Variants in USP24 observed in about 807,000 individuals in gnomAD.
USP24 encodes the protein ubiquitin specific peptidase 24.
A neutral mutation model predicts 361.6 loss-of-function variants in USP24; 97 were observed. The ratio of observed to expected loss-of-function variants is 0.27; its 90% CI spans 0.23 to 0.32. The LOEUF is 0.32. Among genes scored for constraint, USP24 ranks in the 10% least tolerant of loss-of-function variants. The pLI is 1.00. For missense variants in USP24, 2,353 were observed against 3,165.6 expected, an observed-to-expected ratio of 0.74 and a Z score of 6.16; for synonymous variants, 1,098 against 1,124.6, an observed-to-expected ratio of 0.98 and a Z score of 0.47.
At chr1:55,127,478 T>G (rs1646466663) in intron 32 of USP24, among the ~76,000 whole-genome samples, 1 of 152,242 alleles carries the variant, frequency 6.6e-6, no homozygotes, top group Admixed American at 6.5e-5. Flanking sequence ...TGTTGGACAT[T>G]TGGATTGGTT....
At chr1:55,200,530 AC>A (rs1472702755) in intron 1 of USP24, among the ~76,000 whole-genome samples, 2 of 151,946 alleles carry the variant, frequency 1.3e-5, no homozygotes, top group Admixed American at 6.6e-5. Context: ...CACTCCACAT[AC>A]TTTTTTTTTA....
intron 1 of USP24, among the ~76,000 whole-genome samples, chr1:55,187,425 G>A (rs557612862): frequency 6.6e-6 from 1 of 152,148 alleles, no homozygotes; most frequent in Non-Finnish European, 1.5e-5. Context: ...ATTCAACACT[G>A]CACTGGAGTG....
intron 45 of USP24, 40 bp from the exon 46 acceptor site, chr1:55,098,598 T>G (rs778561354): frequency 9.5e-5 from 134 of 1,406,360 alleles, no homozygotes; most frequent in Non-Finnish European, 1.3e-4. Context: ...TGATGCCTCC[T>G]GAACTTATGA....
intron 10 of USP24, among the ~76,000 whole-genome samples, chr1:55,157,833 CAAAAAA>C (rs1179133312): frequency 1.3e-5 from 1 of 77,718 alleles, no homozygotes; most frequent in Non-Finnish European, 2.6e-5. Context: ...GACTCCATCT[CAAAAAA>C]AAAAAAAAAA....
chr1:55,092,680 G>A, intron 53 of USP24, 141 bp downstream of exon 53: 1 of 615,538 alleles, frequency 1.6e-6, no homozygotes, highest in Non-Finnish European at 2.8e-6. Flanking sequence ...TACCCAATAC[G>A]GGCTACATTC....
chr1:55,147,365 T>TA (rs1557634323), intron 18 of USP24, among the ~76,000 whole-genome samples: 2 of 152,010 alleles, frequency 1.3e-5, no homozygotes, highest in Admixed American at 6.6e-5. Context: ...CCTAATTTTT[T>TA]AAAAAACAAT....
rs1646410117 is a variant in USP24, at chr1:55,125,756, A to G, written c.3638T>C (p.Leu1213Ser). 1 of 1,567,840 alleles carries G rather than the reference A, an allele frequency of 6.4e-7. No homozygotes were observed. Among genetic ancestry groups the G allele is most frequent in the Non-Finnish European group, 8.6e-7 (1 of 1,156,092 alleles). Residue 1213 changes from leucine to serine, a missense_variant and splice_region_variant, in exon 33 of 68, where the codon TTG (leucine) becomes TCG (serine). Leu to Ser is a moderately radical substitution (Grantham distance 145). This residue lies in a region of USP24 where 949 missense variants were observed against 1,280.5 expected (regional missense o/e 0.74). Transcript: ENST00000294383. ...GTCTCTCTGCATGACATTTACAACC[A>G]AACTTCAAAAAGAAGAAAAAAAGGC... ...ENFLKAGGLS[L>S]VVNVMQRDSI...
At chr1:55,160,490 T>C (rs1057298318) in intron 8 of USP24, among the ~76,000 whole-genome samples, 2 of 152,170 alleles carry the variant, frequency 1.3e-5, no homozygotes, top group Non-Finnish European at 2.9e-5. Context: ...TTCCACAGAT[T>C]AGGAAATTGA....
intron 30 of USP24, among the ~76,000 whole-genome samples, chr1:55,133,066 T>C (rs1646636599): frequency 6.6e-6 from 1 of 152,228 alleles, no homozygotes; most frequent in Non-Finnish European, 1.5e-5. Context: ...GTTAAGCTAA[T>C]ACTAGTGATA....
At chr1:55,131,358 G>T (rs909285884) in intron 31 of USP24, among the ~76,000 whole-genome samples, 8 of 152,148 alleles carry the variant, frequency 5.3e-5, no homozygotes, top group African/African-American at 1.9e-4. Flanking sequence ...ACTCCATGCT[G>T]TTGTTATAAC....
rs185387415 is a variant in USP24 at position 55,140,401 on chromosome 1, A to G, written c.2750+1215T>C. The stretch of plus-strand genomic sequence containing the variant: ...GAATTCTTAATACACATTTTAAATG[A>G]AAGTCTATTTGAGAAATACTTCCAA... On this transcript the variant is annotated intron_variant, in intron 24 of 67. Transcript: ENST00000294383. Among the ~76,000 whole-genome samples the G allele has an allele frequency of 1.4e-4, 21 of 152,304 alleles. No homozygotes were observed. In the East Asian group the frequency reaches 3.5e-3, roughly 25 times the overall value.
chr1:55,154,579 CT>C (rs2100742018), intron 13 of USP24, 91 bp downstream of exon 13: 1 of 1,451,338 alleles, frequency 6.9e-7, no homozygotes, highest in South Asian at 1.2e-5. Context: ...CATTTAAATA[CT>C]GCTAACTGGT....
intron 20 of USP24, 127 bp from the exon 21 acceptor site, chr1:55,144,330 C>A: frequency 2.0e-6 from 1 of 506,612 alleles, no homozygotes; most frequent in Non-Finnish European, 3.4e-6. Flanking sequence ...GATATGGTAC[C>A]AAAGCAGAAG....
chr1:55,104,131 A>G, intron 41 of USP24, 111 bp from the exon 42 acceptor site: 1 of 1,367,072 alleles, frequency 7.3e-7, no homozygotes. Flanking sequence ...TTCCTCAAAC[A>G]TACTTAAGTC....
Position 55,121,501 on chromosome 1 carries a change from A to G in USP24, c.4282T>C (p.Phe1428Leu), listed in dbSNP as rs927163655. The change falls in exon 37 of 68, where the codon TTC (phenylalanine) becomes CTC (leucine). Residue 1428 changes from phenylalanine to leucine, a missense_variant. By Grantham distance (22) the Phe-to-Leu change is conservative. Transcript: ENST00000294383. ...LQLRSQQLASFYNLPCVADFI... is the reference protein window; with the variant it reads ...LQLRSQQLASLYNLPCVADFI... ...TCAGCAACACAGGGCAAGTTATAGAAAGATGCTAATAAGAAGAAATGGGGG... is the reference window on the plus strand; with the variant it reads ...TCAGCAACACAGGGCAAGTTATAGAGAGATGCTAATAAGAAGAAATGGGGG... The G allele has an allele frequency of 1.6e-5, 26 of 1,613,266 alleles. No homozygotes were observed. Among genetic ancestry groups the G allele is most frequent in the Non-Finnish European group, 1.9e-5 (23 of 1,179,610 alleles).
chr1:55,187,534 A>G (rs1644167137), intron 1 of USP24, among the ~76,000 whole-genome samples: 1 of 152,222 alleles, frequency 6.6e-6, no homozygotes, highest in South Asian at 2.1e-4. Flanking sequence ...AATTTTGCAC[A>G]GAGAAAATCC....
At chr1:55,138,766 C>T (rs1169650379) in intron 25 of USP24, 48 bp from the exon 26 acceptor site, 1 of 1,423,704 alleles carries the variant, frequency 7.0e-7, no homozygotes, top group Non-Finnish European at 9.8e-7. Flanking sequence ...CACTGATAAA[C>T]ACATCAAAAA....
Position 55,154,148 on chromosome 1 carries a change from T to C in USP24, c.1783A>G (p.Ile595Val), listed in dbSNP as rs1466878491. 1.2e-6 allele frequency: 2 copies of C among 1,613,672 alleles called. No individual in the cohort carries two copies. The highest frequency in any genetic ancestry group is 1.7e-6 in the Non-Finnish European group (2 of 1,179,710). ...TTAATATCTTCTATGCACTTGATGATGTAGCTCCTCTTGATTGCTTCTTTC... is the reference window on the plus strand; with the variant it reads ...TTAATATCTTCTATGCACTTGATGACGTAGCTCCTCTTGATTGCTTCTTTC... ...AVKEAIKRSY[I>V]IKCIEDIKRP... Residue 595 changes from isoleucine to valine, a missense_variant, in exon 15 of 68, where the codon ATC becomes GTC. By Grantham distance (29) the Ile-to-Val change is conservative (BLOSUM62 3). Transcript: ENST00000294383.
chr1:55,114,504 T>C (rs1393186255), intron 38 of USP24, among the ~76,000 whole-genome samples: 1 of 152,128 alleles, frequency 6.6e-6, no homozygotes, highest in Non-Finnish European at 1.5e-5. Flanking sequence ...ACTACAAGGC[T>C]ACAGTACCAA....
Sources: allele counts gnomAD v4.1 joint callset (sites outside exome capture counted in the v4.1 genomes callset), GRCh38; gene constraint gnomAD v4.1.1; regional missense constraint gnomAD v4.1.1; transcripts MANE v1.5; gene names NCBI Gene and HGNC (gene_info 2026-07-23, HGNC 2026-07-21).